The following CHD1L variants were observed in gnomAD, a reference collection of about 807,000 sequenced individuals.
The protein encoded by CHD1L is ATP-dependent chromatin remodeler CHD1L.
Under a neutral mutation model 115.9 loss-of-function variants are expected in CHD1L, and 118 were observed. The observed-to-expected ratio is 1.02, with a 90% CI of 0.88 to 1.19. The LOEUF is 1.19. CHD1L is among the 50% of genes most tolerant of loss of function. The pLI, the probability that CHD1L is intolerant of heterozygous loss-of-function variation, is 0.00. For synonymous variants in CHD1L, 411 were observed against 387.1 expected, an observed-to-expected ratio of 1.06 and a Z score of -0.72; for missense variants, 1,179 against 1,065.3, an observed-to-expected ratio of 1.11 and a Z score of -1.49.
intron 18 of CHD1L, 97 bp downstream of exon 18, chr1:147,286,597 G>A: frequency 9.6e-7 from 1 of 1,042,954 alleles, no homozygotes; most frequent in South Asian, 1.4e-5. Context: ...GGTGGTCCCA[G>A]TGTAGTATTG....
At chr1:147,286,190 T>A in intron 17 of CHD1L, 108 bp from the exon 18 acceptor site, 1 of 1,082,038 alleles carries the variant, frequency 9.2e-7, no homozygotes, top group Non-Finnish European at 1.3e-6. Flanking sequence ...GAGTTTCTAA[T>A]TGCATTTCTA....
At chr1:147,200,769 G>A in the CHD1L span, among the ~76,000 whole-genome samples, 1 of 151,708 alleles carries the variant, frequency 6.6e-6, no homozygotes, top group Non-Finnish European at 1.5e-5. Context: ...AATGAAAGAA[G>A]ATAAAACTAT....
chr1:147,270,367 C>T (rs190802554), intron 10 of CHD1L, among the ~76,000 whole-genome samples: 72 of 152,152 alleles, frequency 4.7e-4, no homozygotes, highest in Admixed American at 1.3e-3. Context: ...GAAAATGAGA[C>T]ATCACTTACC....
intron 1 of CHD1L, among the ~76,000 whole-genome samples, chr1:147,246,384 T>C (rs1666637735): frequency 6.6e-6 from 1 of 152,250 alleles, no homozygotes; most frequent in Non-Finnish European, 1.5e-5. Flanking sequence ...ACAGATTTTG[T>C]ATGAAAATAA....
the CHD1L span, among the ~76,000 whole-genome samples, chr1:147,195,371 G>T: frequency 2.6e-5 from 4 of 152,014 alleles, no homozygotes; most frequent in African/African-American, 9.7e-5. Flanking sequence ...GACCTCAGAT[G>T]ATCCACCCGT....
chr1:147,284,498 G>A lies in CHD1L; in HGVS notation c.1853G>A (p.Ser618Asn). Residue 618 changes from serine to asparagine, a missense_variant and splice_region_variant, in exon 16 of 23, where the codon AGT (serine) becomes AAT (asparagine). Ser to Asn is a conservative substitution (Grantham distance 46, BLOSUM62 1). Coordinates refer to ENST00000369258, the MANE Select transcript of CHD1L (RefSeq NM_004284.6). ...GGCCGATCACTCCGAAATAAAGGCA[G>A]TGTAAGAACTGTTAATTTATTTAAA... The part of the protein sequence containing the change: ...QEGRSLRNKG[S>N]VLIPGLVEGS... 10 of 1,570,884 alleles carry A rather than the reference G, an allele frequency of 6.4e-6. No individual in the cohort carries two copies. The highest frequency in any genetic ancestry group is 8.6e-6 in the Non-Finnish European group (10 of 1,166,594).
chr1:147,293,516 C>G, intron 20 of CHD1L, 92 bp from the exon 21 acceptor site: 2 of 951,542 alleles, frequency 2.1e-6, no homozygotes, highest in Non-Finnish European at 3.3e-6. Flanking sequence ...CCCAAGTGAC[C>G]CATCAAGGGC....
chr1:147,205,595 C>A, the CHD1L span, among the ~76,000 whole-genome samples: 13 of 151,996 alleles, frequency 8.6e-5, no homozygotes, highest in Non-Finnish European at 1.6e-4. Flanking sequence ...AGAACAGAGC[C>A]CTCAGAAATA....
At chr1:147,209,152 G>C in the CHD1L span, 19 of 921,560 alleles carry the variant, frequency 2.1e-5, no homozygotes, top group East Asian at 5.1e-4. Flanking sequence ...CGGCGCGGTG[G>C]CTCACGCCTG....
chr1:147,252,535 C>A, intron 1 of CHD1L, 88 bp from the exon 2 acceptor site: 2 of 970,760 alleles, frequency 2.1e-6, no homozygotes, highest in Non-Finnish European at 1.6e-6. Flanking sequence ...TGAATTTAGG[C>A]TGTGTTCCTC....
At chr1:147,205,608 A>G in the CHD1L span, among the ~76,000 whole-genome samples, 12 of 152,280 alleles carry the variant, frequency 7.9e-5, no homozygotes, top group South Asian at 2.1e-4. Context: ...CAGAAATAAT[A>G]CCACATATCT....
intron 14 of CHD1L, among the ~76,000 whole-genome samples, chr1:147,278,037 G>A (rs1367550601): frequency 6.6e-6 from 1 of 152,038 alleles, no homozygotes; most frequent in Non-Finnish European, 1.5e-5. Context: ...GGCTGAGAGC[G>A]ACTCTGTTGG....
At chr1:147,203,619 T>G in the CHD1L span, 10 of 1,231,840 alleles carry the variant, frequency 8.1e-6, no homozygotes, top group South Asian at 1.2e-4. Flanking sequence ...GCAAACTTCT[T>G]AATAGCGTAC....
intron 12 of CHD1L, 92 bp downstream of exon 12, chr1:147,272,373 CT>C (rs1676587698): frequency 1.1e-6 from 1 of 883,954 alleles, no homozygotes; most frequent in East Asian, 2.5e-5. Flanking sequence ...TTCCTTAATT[CT>C]CTGAAAGGTG....
chr1:147,279,879 ACTAT>A, intron 14 of CHD1L, 143 bp from the exon 15 acceptor site: 1 of 707,202 alleles, frequency 1.4e-6, no homozygotes, highest in African/African-American at 1.8e-5. Flanking sequence ...CCTGGCTGTT[ACTAT>A]CTATGATGGG....
At chr1:147,216,974 C>T in the CHD1L span, among the ~76,000 whole-genome samples, 1 of 152,232 alleles carries the variant, frequency 6.6e-6, no homozygotes, top group Admixed American at 6.5e-5. Context: ...GGCGTGGTGG[C>T]TCATGCCTGT....
chr1:147,276,285 T>G (rs1490117531), intron 14 of CHD1L, 28 bp downstream of exon 14: 2 of 1,612,682 alleles, frequency 1.2e-6, no homozygotes, highest in Non-Finnish European at 8.5e-7. Flanking sequence ...GTTCTTCACT[T>G]TGGAATATAC....
chr1:147,286,065 T>C (rs1266632490), intron 17 of CHD1L, among the ~76,000 whole-genome samples: 2 of 152,172 alleles, frequency 1.3e-5, no homozygotes, highest in African/African-American at 4.8e-5. Context: ...ACAATCTCTT[T>C]TAGTCTTAAA....
the CHD1L span, chr1:147,225,595 C>T: frequency 6.5e-6 from 1 of 153,882 alleles, no homozygotes; most frequent in African/African-American, 2.4e-5. Flanking sequence ...CCCCTAGCCC[C>T]GTCTGTGCTC....
Sources: allele counts gnomAD v4.1 joint callset (sites outside exome capture counted in the v4.1 genomes callset), GRCh38; gene constraint gnomAD v4.1.1; transcripts MANE v1.5; gene names NCBI Gene and HGNC (gene_info 2026-07-23, HGNC 2026-07-21).